Variants in PBX1 observed in about 807,000 individuals in gnomAD.
The protein encoded by PBX1 is pre-B-cell leukemia transcription factor 1.
A neutral mutation model predicts 53.4 loss-of-function variants in PBX1; 6 were observed. The ratio of observed to expected loss-of-function variants is 0.11; its 90% confidence interval spans 0.06 to 0.22. The LOEUF (loss-of-function observed/expected upper bound fraction) is 0.22, where lower values mean the gene tolerates loss of function less well. Among genes scored for constraint, PBX1 ranks in the 10% least tolerant of loss-of-function variants. The probability of loss-of-function intolerance (pLI) is 1.00; values close to 1 mark genes in which losing one functional copy is unlikely to be tolerated. For missense variants in PBX1, 251 were observed against 551.4 expected (o/e 0.46, Z 5.46); for synonymous variants, 204 against 212.3 (o/e 0.96, Z 0.34).
intron 2 of PBX1, among the ~76,000 whole-genome samples, chr1:164,733,579 A>T (rs1290509033): frequency 6.6e-6 from 1 of 152,180 alleles, no homozygotes; most frequent in East Asian, 1.9e-4. Flanking sequence ...ACATAAAAGG[A>T]ATACTGGGTA....
At chr1:164,881,384 GGAAGGAAGGAA>G (rs2102465995) in intron 2 of PBX1, among the ~76,000 whole-genome samples, 1 of 27,008 alleles carries the variant, frequency 3.7e-5, no homozygotes, top group Non-Finnish European at 1.5e-4. Context: ...AAGGAAGGAA[GGAAGGAAGGAA>G]GGAGGAAAAG....
chr1:164,761,689 C>T (rs569034070), intron 2 of PBX1, among the ~76,000 whole-genome samples: 2 of 152,218 alleles, frequency 1.3e-5, no homozygotes, highest in South Asian at 2.1e-4. Flanking sequence ...ATGATCCGCC[C>T]GTCTCGGCCT....
chr1:164,786,713 GTGTGTGT>G (rs1380861127), intron 2 of PBX1, among the ~76,000 whole-genome samples: 6 of 145,790 alleles, frequency 4.1e-5, no homozygotes, highest in African/African-American at 1.4e-4. Flanking sequence ...GTGTGTGTGT[GTGTGTGT>G]GCGCGCGCAC....
intron 2 of PBX1, among the ~76,000 whole-genome samples, chr1:164,777,001 C>T (rs1667706370): frequency 8.6e-6 from 1 of 115,980 alleles, no homozygotes; most frequent in South Asian, 2.8e-4. Context: ...GGGCGGGGGG[C>T]TGCCATCCAG....
chr1:164,582,636 T>C (rs962227772), intron 2 of PBX1, among the ~76,000 whole-genome samples: 1 of 152,148 alleles, frequency 6.6e-6, no homozygotes, highest in African/African-American at 2.4e-5. Flanking sequence ...TTGGTCAGGT[T>C]GGTCTGGAGC....
intron 2 of PBX1, among the ~76,000 whole-genome samples, chr1:164,658,978 CGTT>C (rs1199907853): frequency 1.1e-4 from 17 of 152,140 alleles, no homozygotes; most frequent in African/African-American, 4.1e-4. Context: ...GATTTCCAGT[CGTT>C]GTCCATTCCC....
rs976173382 is a variant in PBX1 at position 164,847,636 on chromosome 1, C to T, written c.*960C>T. On this transcript the variant is annotated 3_prime_UTR_variant, in exon 9 of 9. Coordinates refer to ENST00000420696, the MANE Select transcript of PBX1 (RefSeq NM_002585.4). ...CTTCATAGACACACACGTTCATGCACATGTAGGCACATGTACCATCTCACA... is the reference window on the plus strand; with the variant it reads ...CTTCATAGACACACACGTTCATGCATATGTAGGCACATGTACCATCTCACA... 17 of 1,061,102 alleles carry T rather than the reference C, an allele frequency of 1.6e-5. No individual in the cohort carries two copies. Among genetic ancestry groups the T allele is most frequent in the Non-Finnish European group, 1.9e-5 (17 of 876,714 alleles). The allele number at this position is 1,061,102 out of a possible 1,614,324, so 65.7% of individuals were successfully genotyped here. A position where few individuals can be genotyped will look rare whatever the true frequency, so the allele number is the denominator to read the frequency against.
At chr1:164,657,310 GA>G (rs1239884800) in intron 2 of PBX1, 1 of 152,174 alleles carries the variant, frequency 6.6e-6, no homozygotes, top group Admixed American at 6.5e-5. Context: ...AGAAGGTGGG[GA>G]CATCTGCTGT....
At chr1:164,718,372 G>T (rs1396156587) in intron 2 of PBX1, among the ~76,000 whole-genome samples, 1 of 152,174 alleles carries the variant, frequency 6.6e-6, no homozygotes, top group Non-Finnish European at 1.5e-5. Flanking sequence ...GCTTCCAGTT[G>T]TATCACATTT....
downstream of PBX1, among the ~76,000 whole-genome samples, chr1:164,854,495 T>C (rs1671935842): frequency 6.6e-6 from 1 of 152,138 alleles, no homozygotes; most frequent in African/African-American, 2.4e-5. Flanking sequence ...TCAAGAAGGT[T>C]GTTTTAATCT....
At chr1:164,663,864 C>A (rs1403683615) in intron 2 of PBX1, among the ~76,000 whole-genome samples, 2 of 152,210 alleles carry the variant, frequency 1.3e-5, no homozygotes, top group Admixed American at 1.3e-4. Context: ...AAGTTAATAA[C>A]TCTTCCCAGA....
intron 2 of PBX1, among the ~76,000 whole-genome samples, chr1:164,789,988 A>G (rs1668410692): frequency 6.6e-6 from 1 of 151,024 alleles, no homozygotes; most frequent in Admixed American, 6.6e-5. Flanking sequence ...TCTAATTTGT[A>G]AATGACCCAT....
At chr1:164,863,088 T>TA (rs968250746) in intron 2 of PBX1, among the ~76,000 whole-genome samples, 60 of 151,462 alleles carry the variant, frequency 4.0e-4, no homozygotes, top group East Asian at 1.2e-3. Context: ...CTGAGTGTGG[T>TA]AAAAAAAAAG....
chr1:164,823,069 C>T (rs1670239468), intron 8 of PBX1, among the ~76,000 whole-genome samples: 1 of 152,148 alleles, frequency 6.6e-6, no homozygotes, highest in East Asian at 1.9e-4. Flanking sequence ...TGAGTTTACA[C>T]AATATTTATC....
chr1:164,760,022 C>T (rs1007165376), intron 2 of PBX1, among the ~76,000 whole-genome samples: 1 of 152,202 alleles, frequency 6.6e-6, no homozygotes, highest in African/African-American at 2.4e-5. Flanking sequence ...CGCAGCCACA[C>T]GTGCTTTCTC....
chr1:164,583,975 A>C (rs1021915054), intron 2 of PBX1, among the ~76,000 whole-genome samples: 6 of 152,174 alleles, frequency 3.9e-5, no homozygotes, highest in African/African-American at 1.4e-4. Flanking sequence ...AGATGAATCC[A>C]GTTTTCTCCA....
At chr1:164,662,801 AT>A (rs1660560588) in intron 2 of PBX1, among the ~76,000 whole-genome samples, 2 of 151,274 alleles carry the variant, frequency 1.3e-5, no homozygotes, top group Non-Finnish European at 2.9e-5. Context: ...ATTCTATGTC[AT>A]TATGTGCATG....
At chr1:164,853,483 T>A (rs1189219354), downstream of PBX1, among the ~76,000 whole-genome samples, 4 of 152,206 alleles carry the variant, frequency 2.6e-5, no homozygotes, top group East Asian at 7.7e-4. Flanking sequence ...GCTTGATTAC[T>A]CTTCACAAAG....
At chr1:164,579,598 A>G (rs1345538841) in intron 2 of PBX1, among the ~76,000 whole-genome samples, 1 of 152,186 alleles carries the variant, frequency 6.6e-6, no homozygotes, top group Non-Finnish European at 1.5e-5. Flanking sequence ...CTTGGAACAC[A>G]CAGACAGCAC....
Sources: gnomAD v4.1 joint callset for allele counts (sites outside exome capture counted in the v4.1 genomes callset) on GRCh38, gnomAD v4.1.1 for gene constraint, MANE v1.5 for transcripts, NCBI Gene and HGNC (gene_info 2026-07-23, HGNC 2026-07-21) for gene names.